The following RBFOX1 variants were observed in gnomAD, a reference collection of about 807,000 sequenced individuals.
RBFOX1 encodes RNA binding protein fox-1 homolog 1.
A neutral mutation model predicts 57.7 loss-of-function variants in RBFOX1; 8 were observed. The ratio of observed to expected loss-of-function variants is 0.14; its 90% CI spans 0.08 to 0.25. RBFOX1 has a LOEUF of 0.25. RBFOX1 is among the 10% of genes least tolerant of loss of function. The pLI is 1.00. For synonymous variants in RBFOX1, 326 were observed against 222.4 expected (o/e 1.47, Z -4.15); for missense variants, 611 against 548.5 (o/e 1.11, Z -1.14).
intron 4 of RBFOX1, chr16:7,510,348 C>G (rs2074695252): frequency 6.1e-6 from 6 of 984,890 alleles, no homozygotes; most frequent in Non-Finnish European, 7.2e-6. Flanking sequence ...ATCTTTCACT[C>G]AAAATTGCGA....
intron 3 of RBFOX1, among the ~76,000 whole-genome samples, chr16:6,883,050 T>G (rs1392213389): frequency 6.6e-6 from 1 of 152,208 alleles, no homozygotes; most frequent in Non-Finnish European, 1.5e-5. Context: ...CTCCTGACAT[T>G]GCTGTATTCA....
intron 1 of RBFOX1, among the ~76,000 whole-genome samples, chr16:5,301,900 C>G (rs1252139785): frequency 6.6e-6 from 1 of 152,018 alleles, no homozygotes; most frequent in African/African-American, 2.4e-5. Context: ...TTTTAAGAAA[C>G]CAGCTTTTGT....
chr16:7,329,197 G>A (rs557888819), intron 4 of RBFOX1, among the ~76,000 whole-genome samples: 23 of 152,294 alleles, frequency 1.5e-4, no homozygotes, highest in African/African-American at 4.1e-4. Context: ...TTCCCTGCCC[G>A]TGATGGGCAG....
intron 12 of RBFOX1, among the ~76,000 whole-genome samples, chr16:7,660,201 T>C (rs544839855): frequency 6.6e-6 from 1 of 152,186 alleles, no homozygotes; most frequent in East Asian, 1.9e-4. Flanking sequence ...CTCGCATTCA[T>C]TCAAATATTT....
Position 7,267,555 on chromosome 16 carries a change from T to C in RBFOX1, c.27+215457T>C, listed in dbSNP as rs2095194506. ...TATCTCGACAAAAAATTTAAAAAAA[T>C]AATAAAATAAAATGGGAAGCCGAGC... On this transcript the variant is annotated intron_variant, in intron 4 of 15. Coordinates refer to ENST00000550418, the MANE Select transcript of RBFOX1 (RefSeq NM_018723.4). Among the ~76,000 whole-genome samples, 2 of 147,824 alleles carry C rather than the reference T, an allele frequency of 1.4e-5. 1 individual carries two copies. Among genetic ancestry groups the C allele is most frequent in the South Asian group, 4.3e-4 (2 of 4,614 alleles).
At chr16:5,846,122 C>T (rs1309069221) in intron 3 of RBFOX1, among the ~76,000 whole-genome samples, 1 of 150,886 alleles carries the variant, frequency 6.6e-6, no homozygotes, top group Non-Finnish European at 1.5e-5. Context: ...GCGGAGGTTG[C>T]AGTGAGCCAA....
chr16:6,688,274 C>T (rs1365880281), intron 3 of RBFOX1, among the ~76,000 whole-genome samples: 1 of 152,032 alleles, frequency 6.6e-6, no homozygotes, highest in Admixed American at 6.6e-5. Flanking sequence ...TAAACAACCA[C>T]ATCTCATGAG....
intron 2 of RBFOX1, among the ~76,000 whole-genome samples, chr16:6,331,541 CTCTCTA>C (rs1430428388): frequency 6.6e-6 from 1 of 150,464 alleles, no homozygotes; most frequent in African/African-American, 2.5e-5. Flanking sequence ...CTCTCTCTCT[CTCTCTA>C]TATATATATA....
chr16:6,404,777 AG>A (rs1195319007), intron 2 of RBFOX1, among the ~76,000 whole-genome samples: 1 of 152,122 alleles, frequency 6.6e-6, no homozygotes, highest in Non-Finnish European at 1.5e-5. Context: ...ATTGCTTCAA[AG>A]AAGAGCAGAT....
intron 1 of RBFOX1, among the ~76,000 whole-genome samples, chr16:6,138,332 C>T (rs989031545): frequency 2.0e-5 from 3 of 152,156 alleles, no homozygotes; most frequent in Non-Finnish European, 4.4e-5. Flanking sequence ...CATAGGTAGC[C>T]AGTTCCAATA....
intron 1 of RBFOX1, among the ~76,000 whole-genome samples, chr16:5,247,282 TG>T (rs1365779860): frequency 6.6e-6 from 1 of 152,192 alleles, no homozygotes; most frequent in Non-Finnish European, 1.5e-5. Flanking sequence ...CTGTGGTTTG[TG>T]GGACTCCAAA....
intron 1 of RBFOX1, among the ~76,000 whole-genome samples, chr16:5,447,364 C>G (rs1265459930): frequency 7.9e-6 from 1 of 126,524 alleles, no homozygotes; most frequent in South Asian, 3.0e-4. Flanking sequence ...CATTCAATGT[C>G]AATCAATCAA....
At chr16:7,283,234 C>A (rs149372624) in intron 4 of RBFOX1, among the ~76,000 whole-genome samples, 11 of 151,858 alleles carry the variant, frequency 7.2e-5, no homozygotes, top group Non-Finnish European at 1.3e-4. Context: ...CTCTGCTTGT[C>A]TCTCTCTGTT....
At chr16:6,659,941 A>G (rs905888430) in intron 3 of RBFOX1, among the ~76,000 whole-genome samples, 1 of 152,116 alleles carries the variant, frequency 6.6e-6, no homozygotes, top group African/African-American at 2.4e-5. Flanking sequence ...CTTAAAGAGT[A>G]TTAGGGAGGC....
At chr16:6,935,780 G>C (rs1265423189) in intron 3 of RBFOX1, among the ~76,000 whole-genome samples, 1 of 152,118 alleles carries the variant, frequency 6.6e-6, no homozygotes, top group Non-Finnish European at 1.5e-5. Flanking sequence ...AGGCGAGGTG[G>C]ACTGTCAAGC....
intron 3 of RBFOX1, among the ~76,000 whole-genome samples, chr16:6,807,603 G>C (rs2087180730): frequency 6.6e-6 from 1 of 152,026 alleles, no homozygotes; most frequent in African/African-American, 2.4e-5. Context: ...AGATCACAAG[G>C]TCACGAGATT....
rs151309701 is a variant in RBFOX1, at chr16:5,486,642, A to T, written c.258+19388A>T. Among the ~76,000 whole-genome samples, 600 of 152,170 alleles carry T rather than the reference A, an allele frequency of 3.9e-3. 7 individuals are homozygous for T. Among genetic ancestry groups the T allele is most frequent in the African/African-American group, 0.014 (569 of 41,518 alleles). The stretch of plus-strand genomic sequence containing the variant: ...ATCTCTTTCTTCCCCCATTAGCTTG[A>T]CTTGTCCATCAGGTCTCAGTCTTGT... On this transcript the variant is annotated intron_variant, in intron 2 of 2. Transcript: ENST00000585867.
chr16:5,300,726 TTGGTACTTTG>T (rs2063782929), intron 1 of RBFOX1, among the ~76,000 whole-genome samples: 1 of 152,230 alleles, frequency 6.6e-6, no homozygotes, highest in Admixed American at 6.5e-5. Context: ...TTTTTTGGTT[TTGGTACTTTG>T]TGGTACTTTG....
At chr16:6,992,154 CAT>C (rs2091577306) in intron 3 of RBFOX1, among the ~76,000 whole-genome samples, 1 of 147,134 alleles carries the variant, frequency 6.8e-6, no homozygotes, top group South Asian at 2.2e-4. Context: ...GAACCAAGCT[CAT>C]AGAGAAGCAA....
Sources: allele counts gnomAD v4.1 joint callset (sites outside exome capture counted in the v4.1 genomes callset), GRCh38; gene constraint gnomAD v4.1.1; transcripts MANE v1.5; gene names NCBI Gene and HGNC (gene_info 2026-07-23, HGNC 2026-07-21).